The following NCOA2 variants were observed in gnomAD, a reference collection of about 807,000 sequenced individuals.
NCOA2 encodes nuclear receptor coactivator 2.
In NCOA2, 21 loss-of-function variants were observed where a neutral mutation model predicts 145.1. The ratio of observed to expected loss-of-function variants is 0.14; its 90% confidence interval spans 0.10 to 0.21. The LOEUF (loss-of-function observed/expected upper bound fraction) is 0.21, where lower values mean the gene tolerates loss of function less well. Ranked by LOEUF, NCOA2 falls within the 10% of genes least tolerant of loss-of-function variation. The pLI is 1.00. For missense variants in NCOA2, 1,472 were observed against 1,837.6 expected (o/e 0.80, Z 3.64); for synonymous variants, 619 against 637.5 (o/e 0.97, Z 0.44).
chr8:70,353,970 T>A (rs1274974297), intron 1 of NCOA2, among the ~76,000 whole-genome samples: 1 of 152,162 alleles, frequency 6.6e-6, no homozygotes, highest in Non-Finnish European at 1.5e-5. Context: ...CCTAATTGCA[T>A]GCAATGAATG....
chr8:70,446,524 T>A, the NCOA2 span, among the ~76,000 whole-genome samples: 1 of 152,220 alleles, frequency 6.6e-6, no homozygotes, highest in African/African-American at 2.4e-5. Flanking sequence ...ATATCTCTCG[T>A]TGCCATAATT....
intron 1 of NCOA2, among the ~76,000 whole-genome samples, chr8:70,335,369 T>G (rs1807497066): frequency 6.6e-6 from 1 of 152,102 alleles, no homozygotes; most frequent in Non-Finnish European, 1.5e-5. Context: ...TTTTGTCTTT[T>G]TGTCTACTGA....
the NCOA2 span, among the ~76,000 whole-genome samples, chr8:70,430,041 T>C: frequency 6.6e-6 from 1 of 152,090 alleles, no homozygotes; most frequent in African/African-American, 2.4e-5. Flanking sequence ...CGTGTAGAGA[T>C]AGGGTCTCAC....
At chr8:70,214,103 T>A in intron 3 of NCOA2, 28 bp from the exon 4 acceptor site, 1 of 1,576,952 alleles carries the variant, frequency 6.3e-7, no homozygotes, top group Non-Finnish European at 8.6e-7. Flanking sequence ...ATTTTTATGA[T>A]GTATTTGAAA....
chr8:70,268,942 TAAAGA>T (rs1470423761), intron 2 of NCOA2, among the ~76,000 whole-genome samples: 1 of 152,172 alleles, frequency 6.6e-6, no homozygotes, highest in African/African-American at 2.4e-5. Flanking sequence ...AGCTAGTCTG[TAAAGA>T]TAAATATTTA....
Position 70,156,506 on chromosome 8 carries a change from G to A in NCOA2, c.1859C>T (p.Ala620Val). ...CCCGTCAGCTCTCTCACTGCTCACG[G>A]CCGGGGGCAGGTTGGGGTCATTTGT... ...KETNDPNLPP[A>V]VSSERADGQS... is the part of the protein sequence containing the mutation. Residue 620 changes from alanine (A) to valine (V), a missense_variant, in exon 11 of 23, where the codon GCC becomes GTC. By Grantham distance (64) the Ala-to-Val change is moderately conservative (BLOSUM62 0). This residue lies in a region of NCOA2 where 953 missense variants were observed against 1,062.1 expected (regional missense o/e 0.90). Coordinates refer to ENST00000452400, the MANE Select transcript of NCOA2 (RefSeq NM_006540.4). 1 of 1,613,822 alleles carries A rather than the reference G, an allele frequency of 6.2e-7. No individual in the cohort carries two copies. The highest frequency in any genetic ancestry group is 1.1e-5 in the South Asian group (1 of 91,078).
chr8:70,115,797 T>C (rs1251462306), intron 22 of NCOA2, among the ~76,000 whole-genome samples: 2 of 152,194 alleles, frequency 1.3e-5, no homozygotes, highest in East Asian at 1.9e-4. Context: ...TCTAAATATA[T>C]ATTTTTGGTA....
rs139564184 is a variant in NCOA2 at position 70,112,644 on chromosome 8, AT to A, written c.*987del. The A allele has an allele frequency of 4.0e-4, 77 of 191,050 alleles. No homozygotes were observed. Among genetic ancestry groups the A allele is most frequent in the East Asian group, 5.1e-4 (6 of 11,660 alleles). 11.8% of individuals were successfully genotyped at this position (191,050 alleles called of 1,614,324 possible). A position where few individuals can be genotyped will look rare whatever the true frequency, so the allele number is the denominator to read the frequency against. On this transcript the variant is annotated 3_prime_UTR_variant, in exon 23 of 23. Coordinates refer to ENST00000452400, the MANE Select transcript of NCOA2 (RefSeq NM_006540.4). ...TGCTCTTCTCCTTGCCAGTAAATGC[AT>A]TTTTTTTTTCTGAAATTCAATACTT...
chr8:70,411,608 T>C, the NCOA2 span, among the ~76,000 whole-genome samples: 3 of 152,340 alleles, frequency 2.0e-5, no homozygotes, highest in South Asian at 6.2e-4. Flanking sequence ...GAAGACTGAA[T>C]GAATTACAGC....
At chr8:70,213,094 CA>C (rs951962965) in intron 4 of NCOA2, among the ~76,000 whole-genome samples, 2,812 of 77,678 alleles carry the variant, frequency 0.036, 32 homozygotes, top group African/African-American at 0.066. Flanking sequence ...AAAAAAACAC[CA>C]AAAAAAAAAA....
chr8:70,319,868 T>C (rs77707817), intron 1 of NCOA2, among the ~76,000 whole-genome samples: 8,351 of 152,254 alleles, frequency 0.055, 306 homozygotes, highest in East Asian at 0.16. Flanking sequence ...GCTTGATACA[T>C]GTCAGACATG....
At chr8:70,176,859 CAGGG>C (rs1814911054) in intron 4 of NCOA2, among the ~76,000 whole-genome samples, 1 of 152,192 alleles carries the variant, frequency 6.6e-6, no homozygotes, top group East Asian at 1.9e-4. Context: ...TGGATGTGGA[CAGGG>C]TGTGTACCTC....
At chr8:70,265,634 T>C (rs1824504749) in intron 2 of NCOA2, among the ~76,000 whole-genome samples, 1 of 152,158 alleles carries the variant, frequency 6.6e-6, no homozygotes, top group Admixed American at 6.5e-5. Context: ...AAACAATCAG[T>C]AATCAGGTTC....
At chr8:70,123,644 A>G (rs1163747348) in intron 21 of NCOA2, among the ~76,000 whole-genome samples, 1 of 152,202 alleles carries the variant, frequency 6.6e-6, no homozygotes, top group Non-Finnish European at 1.5e-5. Context: ...TGTCAATGAT[A>G]AGAAAGTTAC....
intron 4 of NCOA2, among the ~76,000 whole-genome samples, chr8:70,205,108 A>G (rs921575940): frequency 6.6e-6 from 1 of 152,212 alleles, no homozygotes; most frequent in Non-Finnish European, 1.5e-5. Context: ...GAAGTACCTA[A>G]AACACTAAAC....
chr8:70,312,056 A>C (rs186847160), intron 1 of NCOA2, among the ~76,000 whole-genome samples: 17 of 152,296 alleles, frequency 1.1e-4, no homozygotes, highest in African/African-American at 3.8e-4. Context: ...AGGGAGGCTG[A>C]GTGAGGTGAC....
intron 1 of NCOA2, among the ~76,000 whole-genome samples, chr8:70,366,792 C>T (rs986691066): frequency 9.9e-5 from 15 of 150,996 alleles, no homozygotes; most frequent in African/African-American, 3.4e-4. Context: ...TTATTGAATG[C>T]TTACTGTTCT....
chr8:70,142,529 T>A (rs1206661493), intron 13 of NCOA2, among the ~76,000 whole-genome samples: 3 of 151,988 alleles, frequency 2.0e-5, no homozygotes, highest in African/African-American at 7.3e-5. Context: ...GGAAGCCTCA[T>A]CTCTATAAAA....
chr8:70,230,523 G>T (rs563796251), intron 2 of NCOA2, among the ~76,000 whole-genome samples: 2 of 152,144 alleles, frequency 1.3e-5, no homozygotes, highest in Non-Finnish European at 2.9e-5. Flanking sequence ...AAAACCAACA[G>T]GCTTAACCTG....
Sources: allele counts gnomAD v4.1 joint callset (sites outside exome capture counted in the v4.1 genomes callset), GRCh38; gene constraint gnomAD v4.1.1; regional missense constraint gnomAD v4.1.1; transcripts MANE v1.5; gene names NCBI Gene and HGNC (gene_info 2026-07-23, HGNC 2026-07-21).